IGBP1: variants seen among roughly 807,000 people sequenced by gnomAD.
The protein encoded by IGBP1 is immunoglobulin binding protein 1, also known as immunoglobulin-binding protein 1.
IGBP1 carries 2 observed loss-of-function variants against 25.9 expected under a neutral mutation model. The observed-to-expected ratio is 0.08, with a 90% CI of 0.03 to 0.24. The LOEUF is 0.24. Ranked by LOEUF, IGBP1 falls within the 10% of genes least tolerant of loss-of-function variation. The pLI, the probability that IGBP1 is intolerant of heterozygous loss-of-function variation, is 1.00. For synonymous variants in IGBP1, 96 were observed against 93.4 expected (o/e 1.03, Z -0.16); for missense variants, 187 against 260.4 (o/e 0.72, Z 1.94).
rs2085197693 is a variant in IGBP1, at chrX:70,150,743, A to G, written c.871+421A>G. ...GCAGGTGTAAGCTGAAGGGCAGTCA[A>G]CACTTAGAAGGAGGAAATGATACTT... On this transcript the variant is annotated intron_variant, in intron 6 of 6. Transcript: ENST00000356413. Among the ~76,000 whole-genome samples the G allele has an allele frequency of 2.7e-5, 3 of 112,232 alleles. No individual in the cohort carries two copies. The South Asian group carries it at 1.1e-3, about 42-fold the overall frequency.
intron 6 of IGBP1, among the ~76,000 whole-genome samples, chrX:70,153,700 C>T (rs191954201): frequency 8.9e-6 from 1 of 111,799 alleles, no homozygotes; most frequent in Admixed American, 9.5e-5. Context: ...ACTGGGTGGT[C>T]CTAGCTCAGA....
Position 70,134,089 on chromosome X carries a change from C to T in IGBP1, c.142C>T (p.Leu48Phe), listed in dbSNP as rs1163852493. 4.1e-6 allele frequency: 5 copies of T among 1,211,741 alleles called. No individual in the cohort carries two copies. The highest frequency in any genetic ancestry group is 5.6e-6 in the Non-Finnish European group (5 of 895,165). Residue 48 changes from leucine to phenylalanine, a missense_variant, in exon 2 of 7, where the codon CTC becomes TTC. Transcript: ENST00000356413. ...VQEKVFKGLD[L>F]LEKAAEMLSQ... The stretch of plus-strand genomic sequence containing the variant: ...GGAGAAGGTGTTCAAGGGCTTGGAC[C>T]TCCTTGAGAAGGCTGCCGAAATGTT...
chrX:70,158,658 C>T (rs1223868424), intron 6 of IGBP1, among the ~76,000 whole-genome samples: 1 of 109,476 alleles, frequency 9.1e-6, no homozygotes, highest in African/African-American at 3.3e-5. Context: ...ATGGTGAAAC[C>T]CCGTCTCTAC....
intron 3 of IGBP1, among the ~76,000 whole-genome samples, chrX:70,137,516 G>T (rs748998763): frequency 9.0e-5 from 10 of 110,597 alleles, no homozygotes; most frequent in Non-Finnish European, 1.9e-4. Context: ...AGTCAGTGCT[G>T]CTATGGAGCT....
chrX:70,148,704 G>A (rs766917082), intron 4 of IGBP1, 57 bp from the exon 5 acceptor site: 11 of 797,664 alleles, frequency 1.4e-5, no homozygotes, highest in South Asian at 8.6e-5. Flanking sequence ...TTAAGAGCCC[G>A]TATGGTATGT....
intron 6 of IGBP1, among the ~76,000 whole-genome samples, chrX:70,153,586 G>A (rs770076789): frequency 9.4e-4 from 106 of 112,565 alleles, no homozygotes; most frequent in African/African-American, 1.0e-3. Context: ...TATGTGAACC[G>A]ATACATGTCT....
chrX:70,158,648 A>G (rs918931710), intron 6 of IGBP1, among the ~76,000 whole-genome samples: 1 of 110,076 alleles, frequency 9.1e-6, no homozygotes, highest in African/African-American at 3.3e-5. Context: ...CCTGGCCAAG[A>G]TGGTGAAACC....
chrX:70,157,815 G>GT (rs2085250421), intron 6 of IGBP1, among the ~76,000 whole-genome samples: 1 of 111,966 alleles, frequency 8.9e-6, no homozygotes, highest in Non-Finnish European at 1.9e-5. Context: ...GAAATATTTT[G>GT]TATCTTCATC....
intron 3 of IGBP1, among the ~76,000 whole-genome samples, chrX:70,141,918 AG>A (rs777533435): frequency 6.9e-4 from 75 of 108,395 alleles, no homozygotes; most frequent in Middle Eastern, 4.7e-3. Context: ...ATTAAAAAAA[AG>A]GGGGGGGGCT....
At chrX:70,144,600 G>T (rs776410291) in intron 3 of IGBP1, among the ~76,000 whole-genome samples, 2 of 104,119 alleles carry the variant, frequency 1.9e-5, no homozygotes, top group East Asian at 6.1e-4. Flanking sequence ...AAAAGGAACA[G>T]AAGAGCCTAA....
chrX:70,141,189 CA>C (rs1394758978), intron 3 of IGBP1, among the ~76,000 whole-genome samples: 5 of 110,081 alleles, frequency 4.5e-5, no homozygotes, highest in South Asian at 3.9e-4. Context: ...ACTAAAAATA[CA>C]AAAAAATTTA....
chrX:70,146,726 T>C lies in IGBP1; in HGVS notation c.576T>C (p.Tyr192=), dbSNP rs146306883. 3 of 1,204,011 alleles carry C rather than the reference T, an allele frequency of 2.5e-6. No homozygotes were observed. The highest frequency in any genetic ancestry group is 3.4e-6 in the Non-Finnish European group (3 of 889,138). The change falls in exon 4 of 7, where the codon TAT becomes TAC. Residue 192 remains tyrosine, a synonymous_variant. Transcript: ENST00000356413. ...CAGATGATGAGCGTGTTCGTGAATA[T>C]TATCTTCTTCACCTTCAGAGGTGGA... ...GQADDERVRE[Y]YLLHLQRWID...
chrX:70,133,612 T>A, intron 1 of IGBP1, 72 bp downstream of exon 1: 1 of 404,631 alleles, frequency 2.5e-6, no homozygotes, highest in Non-Finnish European at 4.2e-6. Context: ...GAATTCAGCC[T>A]CGCCTCACCC....
chrX:70,139,743 C>T (rs1396941339), intron 3 of IGBP1, among the ~76,000 whole-genome samples: 2 of 111,774 alleles, frequency 1.8e-5, no homozygotes, highest in African/African-American at 6.5e-5. Flanking sequence ...CAAAAGGTAT[C>T]TTCTATCCTT....
intron 6 of IGBP1, among the ~76,000 whole-genome samples, chrX:70,151,803 G>C (rs919727130): frequency 1.8e-5 from 2 of 110,882 alleles, no homozygotes; most frequent in African/African-American, 6.6e-5. Flanking sequence ...ATGTGAGCCT[G>C]GGAGGCAGAA....
chrX:70,147,649 A>G (rs1342253038), intron 4 of IGBP1, among the ~76,000 whole-genome samples: 2 of 112,148 alleles, frequency 1.8e-5, no homozygotes, highest in African/African-American at 6.5e-5. Flanking sequence ...GGGCATTTCC[A>G]TGCACAGAAT....
intron 6 of IGBP1, among the ~76,000 whole-genome samples, chrX:70,154,670 G>C (rs2085226432): frequency 1.2e-5 from 1 of 80,098 alleles, no homozygotes; most frequent in Non-Finnish European, 2.2e-5. Flanking sequence ...CTTGAGCCGA[G>C]GAGTTCAAGA....
At chrX:70,139,478 G>A (rs779791097) in intron 3 of IGBP1, among the ~76,000 whole-genome samples, 1 of 111,215 alleles carries the variant, frequency 9.0e-6, no homozygotes, top group Non-Finnish European at 1.9e-5. Flanking sequence ...TCCCACATTC[G>A]TATTACTAGC....
chrX:70,145,170 C>T (rs930875446), intron 3 of IGBP1, among the ~76,000 whole-genome samples: 2 of 110,344 alleles, frequency 1.8e-5, no homozygotes, highest in African/African-American at 6.6e-5. Flanking sequence ...GGGTGAAGAC[C>T]TACTGAGGAA....
Sources: gnomAD v4.1 joint callset for allele counts (sites outside exome capture counted in the v4.1 genomes callset) on GRCh38, gnomAD v4.1.1 for gene constraint, MANE v1.5 for transcripts, NCBI Gene and HGNC (gene_info 2026-07-23, HGNC 2026-07-21) for gene names.